CNNM4: variants seen among roughly 807,000 people sequenced by gnomAD.
The protein encoded by CNNM4 is cyclin and CBS domain divalent metal cation transport mediator 4, also known as metal transporter CNNM4.
Under a neutral mutation model 53.7 loss-of-function variants are expected in CNNM4, and 32 were observed. The ratio of observed to expected loss-of-function variants is 0.60; its 90% CI spans 0.45 to 0.80. The LOEUF is 0.80. Ranked by LOEUF, CNNM4 falls within the 30% of genes least tolerant of loss-of-function variation. The pLI is 0.00. For synonymous variants in CNNM4, 410 were observed against 440.0 expected, an observed-to-expected ratio of 0.93 and a Z score of 0.85; for missense variants, 784 against 1,022.0, an observed-to-expected ratio of 0.77 and a Z score of 3.17.
intron 5 of CNNM4, among the ~76,000 whole-genome samples, chr2:96,805,436 TTTTA>T (rs1178877084): frequency 3.5e-5 from 5 of 141,228 alleles, no homozygotes; most frequent in Non-Finnish European, 3.0e-5. Context: ...TTTTTTTTTT[TTTTA>T]TTATTTTTTT....
At chr2:96,777,146 G>A (rs1384842582) in intron 1 of CNNM4, among the ~76,000 whole-genome samples, 1 of 151,902 alleles carries the variant, frequency 6.6e-6, no homozygotes, top group East Asian at 1.9e-4. Context: ...TCAGCCTCCC[G>A]AGTAGCTGGG....
Position 96,799,202 on chromosome 2 carries a change from C to T in CNNM4, c.1827C>T (p.Ala609=), listed in dbSNP as rs769616626. Residue 609 remains alanine, a synonymous_variant, in exon 4 of 7, where the codon GCC becomes GCT. Transcript: ENST00000377075. ...RHYLYTRNKP[A]DYFILILQGK... is the part of the protein sequence containing the mutation. ...ACCTGTACACCCGAAATAAGCCGGC[C>T]GACTACTTCATCCTCATCCTGCAGG... The T allele has an allele frequency of 1.8e-5, 29 of 1,614,070 alleles. 1 individual carries two copies. In the Middle Eastern group the frequency reaches 6.6e-4, roughly 37 times the overall value.
rs1457998671 is a variant in CNNM4, at chr2:96,761,531, A to C, written c.532A>C (p.Arg178=). 6 of 1,613,718 alleles carry C rather than the reference A, an allele frequency of 3.7e-6. No homozygotes were observed. Among genetic ancestry groups the C allele is most frequent in the Admixed American group, 1.7e-5 (1 of 59,998 alleles). ...SLLFMVEEPG[R]FLPLWLHILL... ...GCTCTTCATGGTGGAGGAGCCTGGG[A>C]GGTTCCTGCCTCTCTGGCTGCACAT... The change falls in exon 1 of 7, where the codon AGG becomes CGG. Residue 178 remains arginine (R), a synonymous_variant. Coordinates refer to ENST00000377075, the MANE Select transcript of CNNM4 (RefSeq NM_020184.4). The surrounding 1 kb of genome is among the most constrained non-coding windows in gnomAD (Gnocchi z 6.0).
Position 96,761,504 on chromosome 2 carries a change from C to A in CNNM4, c.505C>A (p.Leu169Met). ...GCTGAAGTGGACGGACAAGGACTCA[C>A]TGCTCTTCATGGTGGAGGAGCCTGG... ...PWLKWTDKDS[L>M]LFMVEEPGRF... The change falls in exon 1 of 7, where the codon CTG (leucine) becomes ATG (methionine). Residue 169 changes from leucine to methionine, a missense_variant. Around this residue, in one of 3 missense-constraint regions of CNNM4, gnomAD observed 473 missense variants for 624.6 expected, o/e 0.76. Coordinates refer to ENST00000377075, the MANE Select transcript of CNNM4 (RefSeq NM_020184.4). This position sits in a 1 kb window ranked among gnomAD's most constrained non-coding sequence, Gnocchi z 6.0. The A allele has an allele frequency of 6.2e-7, 1 of 1,614,154 alleles. No individual in the cohort carries two copies. Among genetic ancestry groups the A allele is most frequent in the Non-Finnish European group, 8.5e-7 (1 of 1,179,996 alleles).
intron 1 of CNNM4, among the ~76,000 whole-genome samples, chr2:96,793,623 C>T (rs2079080090): frequency 6.6e-6 from 1 of 152,202 alleles, no homozygotes; most frequent in African/African-American, 2.4e-5. Context: ...AGACCCTGCT[C>T]AGGGAATCAG....
rs1006059546 is a variant in CNNM4, at chr2:96,801,592, G to C, written c.1948+1944G>C. On this transcript the variant is annotated intron_variant, in intron 5 of 6. Coordinates refer to ENST00000377075, the MANE Select transcript of CNNM4 (RefSeq NM_020184.4). This position sits in a 1 kb window ranked among gnomAD's most constrained non-coding sequence, Gnocchi z 5.6. ...CACAGAGATAGCACACACACAGAGA[G>C]ACCACACACACAGAGACCACACACA... Among the ~76,000 whole-genome samples the C allele has an allele frequency of 1.5e-5, 2 of 136,034 alleles. No individual in the cohort carries two copies. Among genetic ancestry groups the C allele is most frequent in the African/African-American group, 5.7e-5 (2 of 34,838 alleles). 89.2% of individuals were successfully genotyped at this position (136,034 alleles called of 152,430 possible). A position where few individuals can be genotyped will look rare whatever the true frequency, so the allele number is the denominator to read the frequency against.
intron 5 of CNNM4, among the ~76,000 whole-genome samples, chr2:96,807,048 G>A (rs2079215198): frequency 6.6e-6 from 1 of 152,068 alleles, no homozygotes; most frequent in African/African-American, 2.4e-5. Context: ...TTGGGTGTTC[G>A]GCGGGTGGAC....
Position 96,808,962 on chromosome 2 carries a change from T to A in CNNM4, c.2130+220T>A, listed in dbSNP as rs1189491983. ...TTCAAGGATTCCTCCCACCTCAGCC[T>A]CCTGAGTAGCTGGGACTACAGGTGT... is the stretch of plus-strand genomic sequence containing the variant. On this transcript the variant is annotated intron_variant, in intron 6 of 6. Coordinates refer to ENST00000377075, the MANE Select transcript of CNNM4 (RefSeq NM_020184.4). This position sits in a 1 kb window ranked among gnomAD's most constrained non-coding sequence, Gnocchi z 4.9. Among the ~76,000 whole-genome samples, 3 of 151,504 alleles carry A rather than the reference T, an allele frequency of 2.0e-5. No individual in the cohort carries two copies. In the East Asian group the frequency reaches 5.8e-4, roughly 29 times the overall value.
At chr2:96,795,428 G>C (rs2079094101) in intron 1 of CNNM4, among the ~76,000 whole-genome samples, 2 of 152,118 alleles carry the variant, frequency 1.3e-5, no homozygotes, top group South Asian at 4.1e-4. Context: ...AGAACCTGTA[G>C]TGGGAAATAC....
chr2:96,806,535 A>ACACACACACACACACACACG (rs374638753), intron 5 of CNNM4, among the ~76,000 whole-genome samples: 22 of 124,008 alleles, frequency 1.8e-4, no homozygotes, highest in African/African-American at 5.5e-4. Context: ...ACACACACAC[A>ACACACACACACACACACACG]CGCGCGCGCG....
At chr2:96,795,808 C>G (rs1400491509) in intron 1 of CNNM4, among the ~76,000 whole-genome samples, 1 of 152,160 alleles carries the variant, frequency 6.6e-6, no homozygotes, top group Non-Finnish European at 1.5e-5. Flanking sequence ...GGGTATGGCA[C>G]ACAGGACTCA....
At chr2:96,766,539 A>G (rs997004237) in intron 1 of CNNM4, among the ~76,000 whole-genome samples, 4 of 151,846 alleles carry the variant, frequency 2.6e-5, no homozygotes, top group Admixed American at 2.0e-4. Context: ...AACTGCACCC[A>G]CCATCCCACC....
At chr2:96,798,390 C>T (rs919838474) in intron 3 of CNNM4, 20 of 164,452 alleles carry the variant, frequency 1.2e-4, no homozygotes, top group Non-Finnish European at 2.7e-5. Context: ...GAGGAGCTTG[C>T]ATCCAGCTCT....
At chr2:96,769,041 G>T (rs1363216758) in intron 1 of CNNM4, among the ~76,000 whole-genome samples, 1 of 152,146 alleles carries the variant, frequency 6.6e-6, no homozygotes, top group East Asian at 1.9e-4. Flanking sequence ...CATGAGGTCA[G>T]GAGATCGAGA....
At chr2:96,799,522 GTCT>G in intron 4 of CNNM4, 27 bp from the exon 5 acceptor site, 1 of 1,537,682 alleles carries the variant, frequency 6.5e-7, no homozygotes, top group Non-Finnish European at 8.8e-7. Flanking sequence ...CCCTCACTTG[GTCT>G]CTAACTCCAG....
intron 3 of CNNM4, chr2:96,798,218 C>T (rs893695365): frequency 1.7e-5 from 3 of 173,820 alleles, no homozygotes; most frequent in Non-Finnish European, 2.5e-5. Flanking sequence ...GGCCACAGAA[C>T]AAGATTCTGT....
At chr2:96,768,973 C>T (rs1008988997) in intron 1 of CNNM4, among the ~76,000 whole-genome samples, 12 of 152,186 alleles carry the variant, frequency 7.9e-5, no homozygotes, top group South Asian at 2.1e-4. Context: ...GCCAAGAGGC[C>T]GGGTGCGGTG....
chr2:96,805,897 T>C lies in CNNM4; in HGVS notation c.1949-2664T>C, dbSNP rs1327551436. On this transcript the variant is annotated intron_variant, in intron 5 of 6. Transcript: ENST00000377075. ...CCGATTTCTCAATCTTTTCCCCACC[T>C]TTCCCGCCTTTCTATTCCACAAAGC... is the stretch of plus-strand genomic sequence containing the variant. Among the ~76,000 whole-genome samples, 10 of 151,838 alleles carry C rather than the reference T, an allele frequency of 6.6e-5. No homozygotes were observed. The East Asian group carries it at 1.9e-3, about 29-fold the overall frequency.
rs1353845786 is a variant in CNNM4 at position 96,797,366 on chromosome 2, C to T, written c.1547-147C>T. ...GCCTTCACCCTCGGCCTTTGTGCCTCGGCGTCAGCCCAGGACCCTGCCAGC... is the reference window on the plus strand; with the variant it reads ...GCCTTCACCCTCGGCCTTTGTGCCTTGGCGTCAGCCCAGGACCCTGCCAGC... On this transcript the variant is annotated intron_variant, in intron 2 of 6. Transcript: ENST00000377075. The surrounding 1 kb of genome is among the most constrained non-coding windows in gnomAD (Gnocchi z 6.0). 1.4e-5 allele frequency: 19 copies of T among 1,372,490 alleles called. No homozygotes were observed. Among genetic ancestry groups the T allele is most frequent in the East Asian group, 1.1e-4 (5 of 43,646 alleles). 85.0% of individuals were successfully genotyped at this position (1,372,490 alleles called of 1,614,324 possible).
Sources: gnomAD v4.1 joint callset for allele counts (sites outside exome capture counted in the v4.1 genomes callset) on GRCh38, gnomAD v4.1.1 for gene constraint, gnomAD v4.1.1 regional missense constraint, Gnocchi (gnomAD v3.1) non-coding constraint, MANE v1.5 for transcripts, NCBI Gene and HGNC (gene_info 2026-07-23, HGNC 2026-07-21) for gene names.